NAALADL2: variants seen among roughly 807,000 people sequenced by gnomAD.
NAALADL2 encodes the protein inactive N-acetylated-alpha-linked acidic dipeptidase-like protein 2.
A neutral mutation model predicts 87.2 loss-of-function variants in NAALADL2; 76 were observed. That is an observed-to-expected ratio of 0.87 (90% CI 0.72 to 1.05). The LOEUF (loss-of-function observed/expected upper bound fraction) is 1.05, where lower values mean the gene tolerates loss of function less well. Among genes scored for constraint, NAALADL2 ranks in the 50% least tolerant of loss-of-function variants. NAALADL2 has a pLI of 0.00. For synonymous variants in NAALADL2, 354 were observed against 331.0 expected, an observed-to-expected ratio of 1.07 and a Z score of -0.75; for missense variants, 1,089 against 945.8, an observed-to-expected ratio of 1.15 and a Z score of -1.99.
intron 11 of NAALADL2, among the ~76,000 whole-genome samples, chr3:175,687,195 A>T (rs1331974336): frequency 6.6e-6 from 1 of 152,218 alleles, no homozygotes; most frequent in African/African-American, 2.4e-5. Flanking sequence ...TTTTATAAAT[A>T]AATCAGGTAA....
chr3:174,573,947 T>C (rs114513725), intron 2 of NAALADL2, among the ~76,000 whole-genome samples: 2,369 of 152,262 alleles, frequency 0.016, 34 homozygotes, highest in Non-Finnish European at 0.024. Flanking sequence ...TCATTTAGCA[T>C]AGGGAAGAGA....
chr3:174,838,572 T>A (rs1341181720), intron 3 of NAALADL2, among the ~76,000 whole-genome samples: 1 of 152,140 alleles, frequency 6.6e-6, no homozygotes, highest in African/African-American at 2.4e-5. Flanking sequence ...CTGCTGATAA[T>A]ATGATTGTTT....
At chr3:175,168,444 A>G (rs71312315) in intron 2 of NAALADL2, among the ~76,000 whole-genome samples, 7,657 of 151,870 alleles carry the variant, frequency 0.05, 267 homozygotes, top group Non-Finnish European at 0.079. Context: ...CTTTTATAAG[A>G]TATGTGACTC....
At chr3:175,095,117 G>C (rs1394296017) in intron 1 of NAALADL2, among the ~76,000 whole-genome samples, 1 of 152,000 alleles carries the variant, frequency 6.6e-6, no homozygotes, top group Non-Finnish European at 1.5e-5. Context: ...CTCAGCCATA[G>C]AGTACCACTC....
intron 3 of NAALADL2, among the ~76,000 whole-genome samples, chr3:174,819,366 A>G (rs1721176697): frequency 1.4e-5 from 2 of 144,596 alleles, no homozygotes; most frequent in Non-Finnish European, 3.0e-5. Flanking sequence ...TGCGTGGCTA[A>G]TATATTTATT....
At chr3:174,482,651 T>C (rs904579299) in intron 1 of NAALADL2, among the ~76,000 whole-genome samples, 1 of 152,012 alleles carries the variant, frequency 6.6e-6, no homozygotes, top group East Asian at 1.9e-4. Flanking sequence ...GCACATGCAC[T>C]GTTCATTTCA....
chr3:175,701,453 A>G (rs1486556440), intron 11 of NAALADL2, among the ~76,000 whole-genome samples: 1 of 152,184 alleles, frequency 6.6e-6, no homozygotes, highest in Non-Finnish European at 1.5e-5. Flanking sequence ...GTCTCACGAT[A>G]GACCCAGGTC....
intron 2 of NAALADL2, among the ~76,000 whole-genome samples, chr3:174,554,876 T>G (rs1182593623): frequency 6.6e-6 from 1 of 152,244 alleles, no homozygotes; most frequent in Non-Finnish European, 1.5e-5. Context: ...TTCTAGAGGC[T>G]GGGAAGGTCC....
intron 5 of NAALADL2, among the ~76,000 whole-genome samples, chr3:175,370,361 C>T (rs1031190952): frequency 6.6e-6 from 1 of 151,942 alleles, no homozygotes; most frequent in Non-Finnish European, 1.5e-5. Context: ...ATGTTAGAAA[C>T]TTATTTTATA....
At chr3:175,544,685 T>G (rs1712994121) in intron 9 of NAALADL2, among the ~76,000 whole-genome samples, 2 of 152,172 alleles carry the variant, frequency 1.3e-5, no homozygotes, top group Non-Finnish European at 2.9e-5. Flanking sequence ...TTTTCAATGC[T>G]CCTTCTCCCT....
intron 4 of NAALADL2, among the ~76,000 whole-genome samples, chr3:175,285,912 T>A (rs1254707189): frequency 6.6e-6 from 1 of 152,176 alleles, no homozygotes; most frequent in Non-Finnish European, 1.5e-5. Flanking sequence ...TGCTATGTAT[T>A]CATAAAATAT....
intron 11 of NAALADL2, among the ~76,000 whole-genome samples, chr3:175,692,560 C>T (rs559697114): frequency 8.5e-5 from 13 of 152,124 alleles, no homozygotes; most frequent in African/African-American, 2.7e-4. Flanking sequence ...TCTTTTTCTC[C>T]GGAAGAAAAG....
chr3:175,218,132 C>A, intron 2 of NAALADL2: 1 of 444,502 alleles, frequency 2.2e-6, no homozygotes, highest in Non-Finnish European at 4.5e-6. Flanking sequence ...AGGTAATCAG[C>A]TTATTATTTA....
intron 2 of NAALADL2, among the ~76,000 whole-genome samples, chr3:175,137,873 C>T (rs112668573): frequency 0.11 from 17,339 of 152,102 alleles, 1,144 homozygotes; most frequent in African/African-American, 0.17. Context: ...ATCCACCTGC[C>T]TCGGCCTCCC....
At chr3:174,813,572 C>T (rs1004443427) in intron 3 of NAALADL2, among the ~76,000 whole-genome samples, 22 of 152,116 alleles carry the variant, frequency 1.4e-4, no homozygotes, top group African/African-American at 4.6e-4. Context: ...CTATGATGTT[C>T]GCATAAAGAT....
At chr3:174,654,735 T>C (rs751488602) in intron 2 of NAALADL2, among the ~76,000 whole-genome samples, 8 of 152,096 alleles carry the variant, frequency 5.3e-5, no homozygotes, top group Non-Finnish European at 1.0e-4. Flanking sequence ...AATTACCTAC[T>C]TTATTATTTA....
chr3:175,059,247 ATAAT>A lies in NAALADL2; in HGVS notation c.44-37540_44-37537del, dbSNP rs1021349249. On this transcript the variant is annotated intron_variant, in intron 1 of 13. Transcript: ENST00000454872. ...AAGTGAAATATTCTGTTATCTCTAAATAATTATTGTTTTCTTGCTGCTTACAGAT... is the reference window on the plus strand; with the variant it reads ...AAGTGAAATATTCTGTTATCTCTAAATATTGTTTTCTTGCTGCTTACAGAT... 6.8e-4 allele frequency: 104 copies of A among 152,112 alleles called. 1 individual carries two copies. The highest frequency in any genetic ancestry group is 2.3e-3 in the African/African-American group (96 of 41,494). 9.4% of individuals were successfully genotyped at this position (152,112 alleles called of 1,614,324 possible). A position where few individuals can be genotyped will look rare whatever the true frequency, so the allele number is the denominator to read the frequency against.
At chr3:174,886,949 TC>T (rs1258738692) in intron 1 of NAALADL2, among the ~76,000 whole-genome samples, 1 of 152,140 alleles carries the variant, frequency 6.6e-6, no homozygotes, top group Non-Finnish European at 1.5e-5. Context: ...AAGAAGTAAA[TC>T]CTCCAATCAA....
chr3:175,324,377 G>A, intron 5 of NAALADL2, 52 bp downstream of exon 5: 1 of 1,413,666 alleles, frequency 7.1e-7, no homozygotes. Flanking sequence ...TTACAAGGTT[G>A]CAATTTATAA....
Sources: allele counts gnomAD v4.1 joint callset (sites outside exome capture counted in the v4.1 genomes callset), GRCh38; gene constraint gnomAD v4.1.1; transcripts MANE v1.5; gene names NCBI Gene and HGNC (gene_info 2026-07-23, HGNC 2026-07-21).